The following FER1L5 variants were observed in gnomAD, a reference collection of about 807,000 sequenced individuals.
FER1L5 encodes the protein fer-1-like protein 5.
A neutral mutation model predicts 279.9 loss-of-function variants in FER1L5; 187 were observed. The observed-to-expected ratio is 0.67, with a 90% CI of 0.59 to 0.75. The LOEUF (loss-of-function observed/expected upper bound fraction) is 0.75, where lower values mean the gene tolerates loss of function less well. Ranked by LOEUF, FER1L5 falls within the 30% of genes least tolerant of loss-of-function variation. The pLI is 0.00. For missense variants in FER1L5, 2,091 were observed against 2,594.4 expected, an observed-to-expected ratio of 0.81 and a Z score of 4.21; for synonymous variants, 921 against 989.7, an observed-to-expected ratio of 0.93 and a Z score of 1.30.
intron 37 of FER1L5, 44 bp downstream of exon 37, chr2:96,696,121 G>C (rs1214481513): frequency 6.2e-7 from 1 of 1,612,008 alleles, no homozygotes; most frequent in East Asian, 2.2e-5. Context: ...ACTGTTGACG[G>C]GGTATAACCC....
Position 96,689,878 on chromosome 2 carries a change from G to A in FER1L5, c.2640+120G>A, listed in dbSNP as rs1414468452. The A allele has an allele frequency of 4.9e-6, 4 of 813,316 alleles. No homozygotes were observed. The East Asian group carries it at 8.1e-5, about 17-fold the overall frequency. The allele number at this position is 813,316 out of a possible 1,614,324, so 50.4% of individuals were successfully genotyped here. On this transcript the variant is annotated intron_variant, in intron 26 of 52. Coordinates refer to ENST00000624922, the MANE Select transcript of FER1L5 (RefSeq NM_001293083.2). The surrounding 1 kb of genome is among the most constrained non-coding windows in gnomAD (Gnocchi z 4.6). ...GCCCTATGCCCTGCACTATGTGTGG[G>A]GCCCCGGGTGAGCGCACCAGCCCTC...
In FER1L5 at chr2:96,691,217, C is replaced by T. The variant is rs1417954746; in HGVS notation, c.2771C>T (p.Pro924Leu). The T allele has an allele frequency of 6.5e-7, 1 of 1,549,970 alleles. No homozygotes were observed. Among genetic ancestry groups the T allele is most frequent in the Non-Finnish European group, 8.7e-7 (1 of 1,146,670 alleles). The change falls in exon 28 of 53, where the codon CCG becomes CTG. Residue 924 changes from proline to leucine, a missense_variant. Transcript: ENST00000624922. This position sits in a 1 kb window ranked among gnomAD's most constrained non-coding sequence, Gnocchi z 6.0. ...KGWEYGVGIP[P>L]SGLPQVWSPV... is the part of the protein sequence containing the mutation. Reference sequence around the variant, plus strand: ...TGGGAGTATGGAGTGGGGATCCCACCGTCGGGCCTGCCCCAGGTCTGGAGC... The same window carrying T: ...TGGGAGTATGGAGTGGGGATCCCACTGTCGGGCCTGCCCCAGGTCTGGAGC...
intron 9 of FER1L5, among the ~76,000 whole-genome samples, chr2:96,655,916 T>C (rs781482125): frequency 2.0e-5 from 3 of 152,004 alleles, no homozygotes; most frequent in Non-Finnish European, 2.9e-5. Flanking sequence ...CTCACTATGT[T>C]ACCCAGGCTA....
At chr2:96,656,290 T>TA (rs2075596135) in intron 9 of FER1L5, among the ~76,000 whole-genome samples, 1 of 152,242 alleles carries the variant, frequency 6.6e-6, no homozygotes, top group Non-Finnish European at 1.5e-5. Context: ...AAATACCTAG[T>TA]CAATGTTCAA....
chr2:96,699,763 G>C, intron 43 of FER1L5, 43 bp downstream of exon 43: 1 of 1,608,750 alleles, frequency 6.2e-7, no homozygotes, highest in Non-Finnish European at 8.5e-7. Context: ...AGGTGGGGTG[G>C]AAGAGTGAGC....
intron 37 of FER1L5, among the ~76,000 whole-genome samples, chr2:96,696,911 TA>T (rs992860636): frequency 1.9e-4 from 29 of 151,576 alleles, no homozygotes; most frequent in African/African-American, 5.1e-4. Flanking sequence ...ATCCCCCACT[TA>T]AAAAAAAATT....
chr2:96,665,639 T>A (rs539040116), intron 14 of FER1L5, among the ~76,000 whole-genome samples: 1 of 151,888 alleles, frequency 6.6e-6, no homozygotes, highest in South Asian at 2.1e-4. Context: ...AGTTTCATTC[T>A]TGTCACCCAG....
intron 10 of FER1L5, 107 bp downstream of exon 10, chr2:96,660,478 T>C: frequency 2.2e-6 from 2 of 922,550 alleles, no homozygotes; most frequent in Non-Finnish European, 3.4e-6. Flanking sequence ...GAGGGGAGTA[T>C]TAGAGATTGT....
Position 96,691,323 on chromosome 2 carries a change from C to T in FER1L5, c.2877C>T (p.His959=), listed in dbSNP as rs568826506. 247 of 1,550,218 alleles carry T rather than the reference C, an allele frequency of 1.6e-4. 1 individual carries two copies. Among genetic ancestry groups the T allele is most frequent in the Non-Finnish European group, 2.0e-4 (227 of 1,146,704 alleles). ...TCAGGAACCATGGGGAGCTGAGCCACGAGCAGGAGACCCTCTCCTTCCTGC... is the reference window on the plus strand; with the variant it reads ...TCAGGAACCATGGGGAGCTGAGCCATGAGCAGGAGACCCTCTCCTTCCTGC... ...VRFRNHGELS[H]EQETLSFLQL... Residue 959 remains histidine (H), a synonymous_variant, in exon 28 of 53, where the codon CAC becomes CAT. Transcript: ENST00000624922. This position sits in a 1 kb window ranked among gnomAD's most constrained non-coding sequence, Gnocchi z 6.0.
At chr2:96,695,994 G>A (rs959936598) in intron 36 of FER1L5, 58 bp from the exon 37 acceptor site, 28 of 1,607,174 alleles carry the variant, frequency 1.7e-5, no homozygotes, top group Non-Finnish European at 2.3e-5. Flanking sequence ...TGGGGTTGGT[G>A]CTTCCTCCTC....
Position 96,669,094 on chromosome 2 carries a change from A to G in FER1L5, c.1319A>G (p.His440Arg), listed in dbSNP as rs770994737. ...PCFGPSFLTLHGGKKAPFRIQ... is the reference protein window; with the variant it reads ...PCFGPSFLTLRGGKKAPFRIQ... ...TTTGGCCCCAGCTTCCTGACTCTGC[A>G]TGGGGGTAAAAAGGCCCCTTTCAGG... Residue 440 changes from histidine to arginine, a missense_variant, in exon 17 of 53, where the codon CAT becomes CGT. Transcript: ENST00000624922. 41 of 1,551,420 alleles carry G rather than the reference A, an allele frequency of 2.6e-5. No individual in the cohort carries two copies. Among genetic ancestry groups the G allele is most frequent in the Non-Finnish European group, 3.5e-5 (40 of 1,146,970 alleles).
intron 9 of FER1L5, among the ~76,000 whole-genome samples, chr2:96,659,343 T>TTCCTTCCTTCCG (rs2075765541): frequency 1.1e-5 from 1 of 87,656 alleles, no homozygotes; most frequent in African/African-American, 4.6e-5. Flanking sequence ...CCTTCCTTCC[T>TTCCTTCCTTCCG]TCCTTCCTTC....
chr2:96,650,814 C>G (rs2075329546), intron 6 of FER1L5, among the ~76,000 whole-genome samples: 1 of 152,208 alleles, frequency 6.6e-6, no homozygotes. Context: ...CCTCGCGCAG[C>G]AGCTGGGAGT....
At chr2:96,649,884 C>T (rs2075291271) in intron 5 of FER1L5, among the ~76,000 whole-genome samples, 1 of 152,206 alleles carries the variant, frequency 6.6e-6, no homozygotes, top group South Asian at 2.1e-4. Flanking sequence ...TATTTGTCAT[C>T]TCTAGACATA....
chr2:96,704,755 G>T lies in FER1L5; in HGVS notation c.*63G>T. ...AGCCCTCCCCTTGGGCTGGCTACCA[G>T]TTCTTTGTTTCTATCTTCTAGAATA... On this transcript the variant is annotated 3_prime_UTR_variant, in exon 53 of 53. Coordinates refer to ENST00000624922, the MANE Select transcript of FER1L5 (RefSeq NM_001293083.2). 9 of 1,301,726 alleles carry T rather than the reference G, an allele frequency of 6.9e-6. No homozygotes were observed. Among genetic ancestry groups the T allele is most frequent in the Non-Finnish European group, 9.9e-6 (9 of 906,506 alleles). The allele number at this position is 1,301,726 out of a possible 1,614,324, so 80.6% of individuals were successfully genotyped here. A position where few individuals can be genotyped will look rare whatever the true frequency, so the allele number is the denominator to read the frequency against.
Position 96,651,896 on chromosome 2 carries a change from G to T in FER1L5, c.509G>T (p.Arg170Leu). 6.4e-7 allele frequency: 1 copy of T among 1,552,040 alleles called. No individual in the cohort carries two copies. Reference protein sequence around the residue: ...LSSKPQHFQVRVKVFEARQLM... With the variant: ...LSSKPQHFQVLVKVFEARQLM... ...CCCCATGTGTTCCGCCCTTAGGTTC[G>T]AGTGAAGGTGTTTGAAGCCCGACAG... is the stretch of plus-strand genomic sequence containing the variant. Residue 170 changes from arginine (R) to leucine (L), a missense_variant, in exon 7 of 53, where the codon CGA becomes CTA. Arg to Leu is a moderately radical substitution (Grantham distance 102). Transcript: ENST00000624922.
rs972575882 is a variant in FER1L5, at chr2:96,646,381, G to A, written c.86-20G>A. On this transcript the variant is annotated intron_variant, in intron 1 of 52. Coordinates refer to ENST00000624922, the MANE Select transcript of FER1L5 (RefSeq NM_001293083.2). ...GAAATATTTCCTACCATCAATGCCA[G>A]CCTCTTGGTTTCTTTGCAGATATCA... 3.1e-5 allele frequency: 48 copies of A among 1,551,204 alleles called. No individual in the cohort carries two copies. The highest frequency in any genetic ancestry group is 4.0e-5 in the Non-Finnish European group (46 of 1,146,752).
intron 13 of FER1L5, among the ~76,000 whole-genome samples, chr2:96,662,653 G>A (rs1283942724): frequency 6.6e-6 from 1 of 152,112 alleles, no homozygotes; most frequent in Non-Finnish European, 1.5e-5. Flanking sequence ...GGTGTCATGG[G>A]TAAAAAAGGG....
At chr2:96,687,675 A>G (rs909544742) in intron 23 of FER1L5, 141 bp from the exon 24 acceptor site, 3 of 1,308,892 alleles carry the variant, frequency 2.3e-6, no homozygotes, top group African/African-American at 1.5e-5. Flanking sequence ...CCATTCACTT[A>G]CAGCTCCAGC....
Sources: gnomAD v4.1 joint callset for allele counts (sites outside exome capture counted in the v4.1 genomes callset) on GRCh38, gnomAD v4.1.1 for gene constraint, Gnocchi (gnomAD v3.1) non-coding constraint, MANE v1.5 for transcripts, NCBI Gene and HGNC (gene_info 2026-07-23, HGNC 2026-07-21) for gene names.